The following DLG2 variants were observed in gnomAD, a reference collection of about 807,000 sequenced individuals.
DLG2 encodes the protein discs large MAGUK scaffold protein 2, also known as disks large homolog 2.
Under a neutral mutation model 132.5 loss-of-function variants are expected in DLG2, and 45 were observed. The observed-to-expected ratio is 0.34, with a 90% CI of 0.27 to 0.44. The LOEUF is 0.44. Among genes scored for constraint, DLG2 ranks in the 20% least tolerant of loss-of-function variants. The probability of loss-of-function intolerance (pLI) is 1.00; values close to 1 mark genes in which losing one functional copy is unlikely to be tolerated. For missense variants in DLG2, 1,045 were observed against 1,196.9 expected, an observed-to-expected ratio of 0.87 and a Z score of 1.87; for synonymous variants, 424 against 419.6, an observed-to-expected ratio of 1.01 and a Z score of -0.13.
In DLG2 at chr11:84,510,149, C is replaced by A. The variant is rs376514517; in HGVS notation, c.519+24421G>T. Among the ~76,000 whole-genome samples, 257 of 150,180 alleles carry A rather than the reference C, an allele frequency of 1.7e-3. 10 individuals carry two copies. In the East Asian group the frequency reaches 0.045, roughly 27 times the overall value. On this transcript the variant is annotated intron_variant, in intron 7 of 27. Transcript: ENST00000376104. Reference sequence around the variant, plus strand: ...ATGTTAATCAGAAAATAATTAAAAACAGTAAATTAGAATAAGGTAAAGTTG... The same window carrying A: ...ATGTTAATCAGAAAATAATTAAAAAAAGTAAATTAGAATAAGGTAAAGTTG...
intron 6 of DLG2, among the ~76,000 whole-genome samples, chr11:84,813,986 T>G (rs2076839820): frequency 6.6e-6 from 1 of 152,150 alleles, no homozygotes; most frequent in Non-Finnish European, 1.5e-5. Flanking sequence ...ACATTTTTCT[T>G]GTTTCTACAC....
chr11:83,542,663 A>G (rs1238763180), intron 19 of DLG2, among the ~76,000 whole-genome samples: 1 of 152,192 alleles, frequency 6.6e-6, no homozygotes, highest in African/African-American at 2.4e-5. Context: ...AATATGTATG[A>G]GTGGCAGCAT....
In DLG2 at chr11:84,208,398, C is replaced by A. The variant is rs1447356388; in HGVS notation, c.573+42840G>T. ...TCGCTCTGTCATGCAGGCTGGAGTTCAGTGGTGCAATCTCAGCCTACGGCA... is the reference window on the plus strand; with the variant it reads ...TCGCTCTGTCATGCAGGCTGGAGTTAAGTGGTGCAATCTCAGCCTACGGCA... On this transcript the variant is annotated intron_variant, in intron 8 of 27. Transcript: ENST00000376104. 2.9e-5 allele frequency among the ~76,000 whole-genome samples: 4 copies of A among 136,664 alleles called. No individual in the cohort carries two copies. In the East Asian group the frequency reaches 8.6e-4, roughly 29 times the overall value. 89.7% of individuals were successfully genotyped at this position (136,664 alleles called of 152,430 possible). A position where few individuals can be genotyped will look rare whatever the true frequency, so the allele number is the denominator to read the frequency against.
intron 6 of DLG2, among the ~76,000 whole-genome samples, chr11:84,827,692 A>AC (rs1370985537): frequency 1.5e-4 from 22 of 149,874 alleles, no homozygotes; most frequent in Admixed American, 8.0e-4. Context: ...AAAAAAAAAA[A>AC]AAAAAAGCCC....
chr11:85,394,564 G>A (rs2087116209), intron 3 of DLG2, among the ~76,000 whole-genome samples: 1 of 152,190 alleles, frequency 6.6e-6, no homozygotes, highest in African/African-American at 2.4e-5. Context: ...ACTAAAGTTG[G>A]TTAGAATAAT....
At chr11:85,540,277 T>A (rs550954281) in intron 3 of DLG2, among the ~76,000 whole-genome samples, 1 of 152,280 alleles carries the variant, frequency 6.6e-6, no homozygotes, top group East Asian at 1.9e-4. Context: ...CCCCCCATCC[T>A]GTGCCCATAA....
intron 3 of DLG2, among the ~76,000 whole-genome samples, chr11:85,540,070 T>C (rs894944194): frequency 6.6e-6 from 1 of 152,162 alleles, no homozygotes; most frequent in East Asian, 1.9e-4. Flanking sequence ...CCAATACTGC[T>C]TTAGATACAA....
At chr11:84,950,505 A>ATATT (rs2050776280) in intron 6 of DLG2, among the ~76,000 whole-genome samples, 1 of 152,250 alleles carries the variant, frequency 6.6e-6, no homozygotes, top group South Asian at 2.1e-4. Context: ...ATTTATGCAC[A>ATATT]TATGCAGCTA....
At position 83,886,433 on chromosome 11, in the gene DLG2, C is replaced by A. The variant is rs532168787; in HGVS notation, c.1497-11945G>T. Among the ~76,000 whole-genome samples the A allele has an allele frequency of 1.1e-3, 169 of 152,292 alleles. 2 individuals are homozygous for A. Among genetic ancestry groups the A allele is most frequent in the African/African-American group, 3.8e-3 (159 of 41,556 alleles). On this transcript the variant is annotated intron_variant, in intron 15 of 27. Coordinates refer to ENST00000376104, the MANE Select transcript of DLG2 (RefSeq NM_001142699.3). ...TGTACATGCACCCAATACATGAGCA[C>A]CCAGATTCATAAAGCAAGTCCTGAG...
intron 6 of DLG2, among the ~76,000 whole-genome samples, chr11:84,930,944 T>C (rs1415577573): frequency 6.6e-6 from 1 of 152,028 alleles, no homozygotes; most frequent in Non-Finnish European, 1.5e-5. Context: ...CCACACTGAC[T>C]CTGACTTCTT....
intron 7 of DLG2, among the ~76,000 whole-genome samples, chr11:84,468,199 A>G (rs2099099565): frequency 1.3e-5 from 2 of 151,584 alleles, no homozygotes; most frequent in African/African-American, 2.4e-5. Flanking sequence ...CAATTAATAT[A>G]AGGAGGAGAT....
At chr11:84,737,428 A>G (rs958266369) in intron 6 of DLG2, among the ~76,000 whole-genome samples, 20 of 151,808 alleles carry the variant, frequency 1.3e-4, no homozygotes, top group African/African-American at 4.6e-4. Context: ...AATGGGTGCT[A>G]TTTCTTCTTT....
chr11:84,989,008 G>T (rs2056807202), intron 6 of DLG2, among the ~76,000 whole-genome samples: 1 of 151,856 alleles, frequency 6.6e-6, no homozygotes, highest in Non-Finnish European at 1.5e-5. Context: ...CAAGGTCAGA[G>T]GATACAAGAT....
chr11:83,889,417 A>C (rs10898174), intron 15 of DLG2, among the ~76,000 whole-genome samples: 38,285 of 150,268 alleles, frequency 0.25, 5,107 homozygotes, highest in East Asian at 0.49. Flanking sequence ...ATACCATCTC[A>C]CACCAGTTAG....
At chr11:84,329,680 G>C (rs1471375867) in intron 7 of DLG2, among the ~76,000 whole-genome samples, 1 of 152,128 alleles carries the variant, frequency 6.6e-6, no homozygotes, top group Non-Finnish European at 1.5e-5. Flanking sequence ...GCTCTAGTTT[G>C]AACTCTTCCA....
intron 7 of DLG2, among the ~76,000 whole-genome samples, chr11:84,474,168 A>G (rs1279800106): frequency 1.3e-5 from 2 of 151,894 alleles, no homozygotes; most frequent in African/African-American, 2.4e-5. Context: ...ATCTCCTCTG[A>G]CTCTGAATAT....
chr11:84,526,531 A>G (rs1425617343), intron 7 of DLG2, among the ~76,000 whole-genome samples: 1 of 152,194 alleles, frequency 6.6e-6, no homozygotes. Context: ...CCAGAGGTCA[A>G]CTATGACCTG....
intron 3 of DLG2, among the ~76,000 whole-genome samples, chr11:85,382,458 T>C (rs1045803588): frequency 2.0e-5 from 3 of 151,666 alleles, no homozygotes; most frequent in African/African-American, 4.8e-5. Context: ...CTTAGGTGAG[T>C]GAACTATTTC....
intron 6 of DLG2, among the ~76,000 whole-genome samples, chr11:84,712,068 C>G (rs2060516110): frequency 6.6e-6 from 1 of 151,914 alleles, no homozygotes; most frequent in African/African-American, 2.4e-5. Flanking sequence ...CATAAGAGTC[C>G]AGGGGTAATT....
Sources: gnomAD v4.1 joint callset for allele counts (sites outside exome capture counted in the v4.1 genomes callset) on GRCh38, gnomAD v4.1.1 for gene constraint, MANE v1.5 for transcripts, NCBI Gene and HGNC (gene_info 2026-07-23, HGNC 2026-07-21) for gene names.